SDK1: variants seen among roughly 807,000 people sequenced by gnomAD.
SDK1 encodes protein sidekick-1.
SDK1 carries 157 observed loss-of-function variants against 245.5 expected under a neutral mutation model. The ratio of observed to expected loss-of-function variants is 0.64; its 90% CI spans 0.56 to 0.73. SDK1 has a LOEUF of 0.73. Among genes scored for constraint, SDK1 ranks in the 30% least tolerant of loss-of-function variants. The probability of loss-of-function intolerance (pLI) is 0.00; values close to 1 mark genes in which losing one functional copy is unlikely to be tolerated. For missense variants in SDK1, 3,583 were observed against 3,002.3 expected (o/e 1.19, Z -4.52); for synonymous variants, 1,647 against 1,278.5 (o/e 1.29, Z -6.15).
chr7:3,709,421 G>A (rs944050096), intron 4 of SDK1, among the ~76,000 whole-genome samples: 1 of 152,268 alleles, frequency 6.6e-6, no homozygotes, highest in East Asian at 1.9e-4. Flanking sequence ...CCTGTATCAG[G>A]TTCAGCACTA....
At chr7:3,782,906 C>G (rs1467372352) in intron 4 of SDK1, among the ~76,000 whole-genome samples, 3 of 152,100 alleles carry the variant, frequency 2.0e-5, no homozygotes, top group East Asian at 1.9e-4. Flanking sequence ...CAAAGCCAAA[C>G]AAGAACATTA....
intron 5 of SDK1, among the ~76,000 whole-genome samples, chr7:3,866,873 A>G (rs1343062333): frequency 1.3e-5 from 2 of 152,130 alleles, no homozygotes; most frequent in Non-Finnish European, 2.9e-5. Flanking sequence ...CCTTGAACCC[A>G]TTAGCCATGG....
chr7:3,628,559 C>A (rs1314126775), intron 2 of SDK1, among the ~76,000 whole-genome samples: 1 of 152,140 alleles, frequency 6.6e-6, no homozygotes, highest in African/African-American at 2.4e-5. Context: ...TTATCCACAA[C>A]AGATATCTCT....
intron 19 of SDK1, among the ~76,000 whole-genome samples, chr7:4,061,998 G>C (rs1362939656): frequency 4.7e-5 from 5 of 107,326 alleles, no homozygotes; most frequent in Non-Finnish European, 7.1e-5. Context: ...GGGGGGAGGG[G>C]GGAGGGATAG....
chr7:4,262,325 T>C (rs905191708), intron 44 of SDK1, among the ~76,000 whole-genome samples: 4 of 151,890 alleles, frequency 2.6e-5, no homozygotes, highest in African/African-American at 9.7e-5. Context: ...CAAAGTCCAC[T>C]TTCTCCTTTA....
intron 13 of SDK1, among the ~76,000 whole-genome samples, chr7:3,980,937 C>A (rs1783352692): frequency 8.9e-6 from 1 of 112,426 alleles, no homozygotes; most frequent in African/African-American, 2.9e-5. Flanking sequence ...GAGACTCCAT[C>A]TCAAAAAAAA....
intron 13 of SDK1, among the ~76,000 whole-genome samples, chr7:3,980,402 G>A (rs986285105): frequency 3.9e-5 from 6 of 152,136 alleles, no homozygotes; most frequent in African/African-American, 1.2e-4. Context: ...ACTGGGCTTC[G>A]CTTCCATTGT....
At chr7:3,853,516 GT>G (rs1780468672) in intron 5 of SDK1, among the ~76,000 whole-genome samples, 1 of 152,106 alleles carries the variant, frequency 6.6e-6, no homozygotes. Context: ...TAAAATAAGA[GT>G]TGTATATCCC....
At chr7:3,624,908 C>T (rs1421500825) in intron 2 of SDK1, among the ~76,000 whole-genome samples, 4 of 151,836 alleles carry the variant, frequency 2.6e-5, no homozygotes, top group African/African-American at 7.3e-5. Context: ...AGCTGGTTGT[C>T]GTGGTGCATG....
chr7:3,530,077 C>G (rs532150728), intron 1 of SDK1, among the ~76,000 whole-genome samples: 11 of 152,156 alleles, frequency 7.2e-5, no homozygotes, highest in African/African-American at 2.4e-4. Flanking sequence ...ATTTTAAAGA[C>G]TCTCAAAAAG....
intron 5 of SDK1, among the ~76,000 whole-genome samples, chr7:3,903,738 C>T (rs1781870287): frequency 6.6e-6 from 1 of 152,074 alleles, no homozygotes; most frequent in Non-Finnish European, 1.5e-5. Context: ...TTGTCCCTTC[C>T]AAGCCTCAAG....
chr7:4,218,169 C>T (rs1188789843), intron 38 of SDK1, among the ~76,000 whole-genome samples: 1 of 152,070 alleles, frequency 6.6e-6, no homozygotes, highest in Non-Finnish European at 1.5e-5. Flanking sequence ...GTTGGGAGGC[C>T]GAGGTGGGCA....
intron 4 of SDK1, among the ~76,000 whole-genome samples, chr7:3,763,270 T>C (rs991005387): frequency 6.6e-6 from 1 of 152,206 alleles, no homozygotes; most frequent in Non-Finnish European, 1.5e-5. Context: ...GTTTTTAAAA[T>C]CAAGGCATAA....
chr7:3,975,100 C>T (rs142207996), intron 13 of SDK1, among the ~76,000 whole-genome samples: 1,634 of 152,276 alleles, frequency 0.011, 30 homozygotes, highest in African/African-American at 0.036. Flanking sequence ...TTCCAAAGAG[C>T]CCAGGCGGGA....
At chr7:4,067,960 A>T in intron 20 of SDK1, 24 bp downstream of exon 20, 1 of 1,543,716 alleles carries the variant, frequency 6.5e-7, no homozygotes, top group Non-Finnish European at 8.9e-7. Context: ...TCCTTCAAAA[A>T]AGGAAAAGAT....
chr7:3,966,252 A>G (rs952872312), intron 9 of SDK1, among the ~76,000 whole-genome samples: 1 of 152,092 alleles, frequency 6.6e-6, no homozygotes, highest in African/African-American at 2.4e-5. Flanking sequence ...GGGACTTGCC[A>G]TGGTCCATGG....
intron 1 of SDK1, among the ~76,000 whole-genome samples, chr7:3,567,874 C>T (rs1397196565): frequency 1.3e-5 from 2 of 152,118 alleles, no homozygotes; most frequent in Non-Finnish European, 2.9e-5. Flanking sequence ...TGCAGTGGTG[C>T]GGTCATAGCT....
intron 2 of SDK1, among the ~76,000 whole-genome samples, chr7:3,624,584 A>C (rs776940073): frequency 1.4e-4 from 21 of 152,234 alleles, no homozygotes; most frequent in Non-Finnish European, 2.4e-4. Flanking sequence ...AAATGTAAAC[A>C]GAAGAATACC....
chr7:3,592,417 G>A (rs530309092), intron 1 of SDK1, among the ~76,000 whole-genome samples: 15 of 152,228 alleles, frequency 9.9e-5, no homozygotes, highest in African/African-American at 3.1e-4. Flanking sequence ...TTCAGAAACC[G>A]CCTTCTACTT....
Sources: gnomAD v4.1 joint callset for allele counts (sites outside exome capture counted in the v4.1 genomes callset) on GRCh38, gnomAD v4.1.1 for gene constraint, MANE v1.5 for transcripts, NCBI Gene and HGNC (gene_info 2026-07-23, HGNC 2026-07-21) for gene names.